Variants in TSHZ2 observed in about 807,000 individuals in gnomAD.
TSHZ2 encodes teashirt zinc finger homeobox 2, also known as teashirt homolog 2.
In TSHZ2, 21 loss-of-function variants were observed where a neutral mutation model predicts 74.4. That is an observed-to-expected ratio of 0.28 (90% CI 0.20 to 0.41). TSHZ2 has a LOEUF of 0.41. TSHZ2 is among the 10% of genes least tolerant of loss of function. The pLI, the probability that TSHZ2 is intolerant of heterozygous loss-of-function variation, is 1.00. For missense variants in TSHZ2, 1,244 were observed against 1,293.5 expected (o/e 0.96, Z 0.59); for synonymous variants, 540 against 515.3 (o/e 1.05, Z -0.65).
In TSHZ2 at chr20:53,254,195, A is replaced by G. The variant is rs371401912; in HGVS notation, c.737A>G (p.Lys246Arg). 23 of 1,614,060 alleles carry G rather than the reference A, an allele frequency of 1.4e-5. No homozygotes were observed. Among genetic ancestry groups the G allele is most frequent in the Non-Finnish European group, 1.9e-5 (22 of 1,180,038 alleles). The change falls in exon 2 of 3, where the codon AAA (lysine) becomes AGA (arginine). Residue 246 changes from lysine to arginine, a missense_variant. This residue lies in a region of TSHZ2 where 470 missense variants were observed against 456.5 expected (regional missense o/e 1.03). Coordinates refer to ENST00000371497, the MANE Select transcript of TSHZ2 (RefSeq NM_173485.6). Reference sequence around the variant, plus strand: ...GGCCACTATCAAGATGACAACCGCAAAAAGGACAAGCTCAGACCCACGAGC... The same window carrying G: ...GGCCACTATCAAGATGACAACCGCAGAAAGGACAAGCTCAGACCCACGAGC... ...ETGHYQDDNR[K>R]KDKLRPTSYS... is the part of the protein sequence containing the mutation.
At position 53,133,293 on chromosome 20, in the gene TSHZ2, T is replaced by C. The variant is rs558041019; in HGVS notation, c.41-120206T>C. Among the ~76,000 whole-genome samples, 20 of 152,342 alleles carry C rather than the reference T, an allele frequency of 1.3e-4. No homozygotes were observed. In the South Asian group the frequency reaches 2.3e-3, roughly 17 times the overall value. On this transcript the variant is annotated intron_variant, in intron 1 of 2. Coordinates refer to ENST00000371497, the MANE Select transcript of TSHZ2 (RefSeq NM_173485.6). ...AGCTCTGAGCTGCCTGTTCCTTGCC[T>C]TTGATGTACCTCCATTTCCTGTAAT...
At chr20:53,129,746 C>T (rs1297324294) in intron 1 of TSHZ2, among the ~76,000 whole-genome samples, 22 of 152,050 alleles carry the variant, frequency 1.4e-4, no homozygotes, top group Admixed American at 1.4e-3. Context: ...CGCAGAGTGG[C>T]TCTGCGTGTC....
intron 1 of TSHZ2, among the ~76,000 whole-genome samples, chr20:52,988,937 A>G (rs1981873437): frequency 6.6e-6 from 1 of 152,174 alleles, no homozygotes; most frequent in African/African-American, 2.4e-5. Flanking sequence ...ATGCAACGAC[A>G]CTGCCCTCTT....
intron 1 of TSHZ2, among the ~76,000 whole-genome samples, chr20:53,036,188 A>G (rs1199894640): frequency 6.6e-6 from 1 of 152,148 alleles, no homozygotes; most frequent in African/African-American, 2.4e-5. Context: ...TGTACTCAGG[A>G]TTTCACGTGA....
intron 2 of TSHZ2, among the ~76,000 whole-genome samples, chr20:53,301,794 C>T (rs1044416800): frequency 1.3e-5 from 2 of 152,194 alleles, no homozygotes; most frequent in Non-Finnish European, 2.9e-5. Flanking sequence ...AAAAAAGGAA[C>T]CTTCTATTAG....
At chr20:53,091,846 C>T (rs760073416) in intron 1 of TSHZ2, among the ~76,000 whole-genome samples, 1 of 152,114 alleles carries the variant, frequency 6.6e-6, no homozygotes, top group Non-Finnish European at 1.5e-5. Context: ...AAGTTCAAGA[C>T]TAGCCTGGGC....
intron 1 of TSHZ2, among the ~76,000 whole-genome samples, chr20:53,090,583 G>C (rs80137886): frequency 1.1e-4 from 17 of 152,308 alleles, no homozygotes; most frequent in African/African-American, 3.8e-4. Context: ...GTGCACCTCT[G>C]TAAGACTGAG....
chr20:53,230,883 C>CAA (rs958998655), intron 1 of TSHZ2, among the ~76,000 whole-genome samples: 8 of 140,226 alleles, frequency 5.7e-5, no homozygotes, highest in Admixed American at 7.2e-5. Context: ...GACTCCATCT[C>CAA]AAAAAAAAAA....
chr20:53,353,812 A>C (rs992250300), intron 2 of TSHZ2, among the ~76,000 whole-genome samples: 1 of 152,252 alleles, frequency 6.6e-6, no homozygotes, highest in Non-Finnish European at 1.5e-5. Flanking sequence ...ATCATTTTAG[A>C]CCAATATGAA....
At chr20:53,138,423 G>C (rs986025586) in intron 1 of TSHZ2, among the ~76,000 whole-genome samples, 1 of 151,116 alleles carries the variant, frequency 6.6e-6, no homozygotes, top group Non-Finnish European at 1.5e-5. Flanking sequence ...TTCACATATA[G>C]GTTCCTCCAA....
chr20:53,148,678 T>C (rs1478302119), intron 1 of TSHZ2, among the ~76,000 whole-genome samples: 1 of 151,998 alleles, frequency 6.6e-6, no homozygotes, highest in East Asian at 1.9e-4. Flanking sequence ...ATAGAAAAAA[T>C]ATATAGATAA....
intron 2 of TSHZ2, among the ~76,000 whole-genome samples, chr20:53,462,190 G>C (rs541226342): frequency 1.3e-5 from 2 of 152,314 alleles, no homozygotes; most frequent in Admixed American, 1.3e-4. Context: ...GGAGGCGGAG[G>C]TTGCAGTGAG....
intron 1 of TSHZ2, among the ~76,000 whole-genome samples, chr20:53,224,282 G>T (rs1989631867): frequency 6.6e-6 from 1 of 152,190 alleles, no homozygotes; most frequent in Non-Finnish European, 1.5e-5. Flanking sequence ...TGAAAATAAT[G>T]TATGGAGATG....
intron 1 of TSHZ2, among the ~76,000 whole-genome samples, chr20:53,051,692 A>C (rs1248774719): frequency 1.3e-5 from 2 of 152,254 alleles, no homozygotes; most frequent in African/African-American, 4.8e-5. Context: ...AAAGAGCCAC[A>C]GAAGTGGAAA....
chr20:53,460,580 G>A (rs1029346790), intron 2 of TSHZ2, among the ~76,000 whole-genome samples: 15 of 152,314 alleles, frequency 9.8e-5, no homozygotes, highest in South Asian at 2.1e-4. Flanking sequence ...GCTTTGTTCC[G>A]TTGCTGGTGA....
chr20:53,242,913 G>T (rs1568830621), intron 1 of TSHZ2, among the ~76,000 whole-genome samples: 1 of 152,180 alleles, frequency 6.6e-6, no homozygotes, highest in Non-Finnish European at 1.5e-5. Context: ...TGGTAAACAA[G>T]ATAGATTTGA....
intron 1 of TSHZ2, among the ~76,000 whole-genome samples, chr20:52,980,092 A>C (rs1981504961): frequency 6.6e-6 from 1 of 152,226 alleles, no homozygotes; most frequent in South Asian, 2.1e-4. Context: ...TATATTACAC[A>C]ACACTTTTTA....
At chr20:52,979,007 T>A (rs1338657024) in intron 1 of TSHZ2, among the ~76,000 whole-genome samples, 1 of 152,172 alleles carries the variant, frequency 6.6e-6, no homozygotes, top group Admixed American at 6.5e-5. Context: ...AATTCTCACA[T>A]TCCTTAGGGT....
intron 1 of TSHZ2, among the ~76,000 whole-genome samples, chr20:53,038,763 CTG>C (rs1983917186): frequency 6.6e-6 from 1 of 151,990 alleles, no homozygotes; most frequent in Non-Finnish European, 1.5e-5. Context: ...AAGGTACTGA[CTG>C]TTGTTATTGA....
Sources: gnomAD v4.1 joint callset for allele counts (sites outside exome capture counted in the v4.1 genomes callset) on GRCh38, gnomAD v4.1.1 for gene constraint, gnomAD v4.1.1 regional missense constraint, MANE v1.5 for transcripts, NCBI Gene and HGNC (gene_info 2026-07-23, HGNC 2026-07-21) for gene names.